DNAJB1: variants seen among roughly 807,000 people sequenced by gnomAD.
The protein encoded by DNAJB1 is dnaJ homolog subfamily B member 1.
DNAJB1 carries 14 observed loss-of-function variants against 24.0 expected under a neutral mutation model. The observed-to-expected ratio is 0.58, with a 90% confidence interval of 0.39 to 0.91. The LOEUF (loss-of-function observed/expected upper bound fraction) is 0.91, where lower values mean the gene tolerates loss of function less well. DNAJB1 is among the 40% of genes least tolerant of loss of function. DNAJB1 has a pLI of 0.00. For missense variants in DNAJB1, 517 were observed against 458.1 expected, an observed-to-expected ratio of 1.13 and a Z score of -1.17; for synonymous variants, 262 against 174.4, an observed-to-expected ratio of 1.50 and a Z score of -3.96.
At chr19:14,547,909 C>T (rs1015568167) in intron 1 of DNAJB1, among the ~76,000 whole-genome samples, 13 of 150,488 alleles carry the variant, frequency 8.6e-5, no homozygotes, top group Admixed American at 2.0e-4. Context: ...CTCTGGGCCT[C>T]GAGGGATCCT....
chr19:14,541,688 A>G (rs2073101388), intron 1 of DNAJB1, among the ~76,000 whole-genome samples: 1 of 152,132 alleles, frequency 6.6e-6, no homozygotes, highest in Non-Finnish European at 1.5e-5. Context: ...GTGCAGAGGC[A>G]TGGAGCCCAG....
intron 1 of DNAJB1, among the ~76,000 whole-genome samples, chr19:14,544,634 C>G (rs1053062732): frequency 1.6e-4 from 18 of 113,938 alleles, no homozygotes; most frequent in African/African-American, 5.2e-4. Flanking sequence ...TTTGGCCATT[C>G]CTTTTTTTTT....
upstream of DNAJB1, among the ~76,000 whole-genome samples, chr19:14,552,657 C>T (rs530894283): frequency 9.5e-4 from 144 of 152,056 alleles, no homozygotes; most frequent in African/African-American, 3.3e-3. Context: ...GCCTCAGCCT[C>T]CCGAGTAGCT....
rs2072283657 is a variant in DNAJB1, at chr19:14,517,164, G to A, written c.212-118C>T. ...GGAGGAACTTTTTTGTCTGTCAGGG[G>A]AGAGCAAGGAAGAACCCCAAGTTTC... On this transcript the variant is annotated intron_variant, in intron 1 of 2. Transcript: ENST00000254322. 53 of 1,065,532 alleles carry A rather than the reference G, an allele frequency of 5.0e-5. 2 individuals carry two copies. In the South Asian group the frequency reaches 8.7e-4, roughly 18 times the overall value. 66.0% of individuals were successfully genotyped at this position (1,065,532 alleles called of 1,614,324 possible). A position where few individuals can be genotyped will look rare whatever the true frequency, so the allele number is the denominator to read the frequency against.
In DNAJB1 at chr19:14,545,641, G is replaced by A. The variant is rs1187936146; in HGVS notation, c.-214+4567C>T. 9 of 194,272 alleles carry A rather than the reference G, an allele frequency of 4.6e-5. No homozygotes were observed. The South Asian group carries it at 6.2e-4, about 13-fold the overall frequency. The allele number at this position is 194,272 out of a possible 1,614,324, so 12.0% of individuals were successfully genotyped here. A position where few individuals can be genotyped will look rare whatever the true frequency, so the allele number is the denominator to read the frequency against. Reference sequence around the variant, plus strand: ...CCCAGCAGCTGGCACAGGCAGGCCCGACGCAGCAAGGGGCACAGTCCGTGT... The same window carrying A: ...CCCAGCAGCTGGCACAGGCAGGCCCAACGCAGCAAGGGGCACAGTCCGTGT... On this transcript the variant is annotated intron_variant, in intron 1 of 3. Coordinates refer to the DNAJB1 transcript ENST00000676982.
chr19:14,518,088 T>C, intron 1 of DNAJB1, 51 bp downstream of exon 1: 1 of 1,396,156 alleles, frequency 7.2e-7, no homozygotes, highest in Non-Finnish European at 9.3e-7. Context: ...CGTGCCTCAG[T>C]TTCCCTGTCT....
Position 14,541,783 on chromosome 19 carries a change from AT to A in DNAJB1, c.-214+8424del, listed in dbSNP as rs113623037. Among the ~76,000 whole-genome samples the A allele has an allele frequency of 5.3e-3, 714 of 134,266 alleles. 3 individuals carry two copies. Among genetic ancestry groups the A allele is most frequent in the African/African-American group, 0.011 (411 of 36,682 alleles). The allele number at this position is 134,266 out of a possible 152,430, so 88.1% of individuals were successfully genotyped here. On this transcript the variant is annotated intron_variant, in intron 1 of 3. Coordinates refer to the DNAJB1 transcript ENST00000676982. Reference sequence around the variant, plus strand: ...CAGAGAGACCTGTGGACTTCTTTTCATTTTTTTTTTTTTTTTGAGATGGAGT... The same window carrying A: ...CAGAGAGACCTGTGGACTTCTTTTCATTTTTTTTTTTTTTTGAGATGGAGT...
chr19:14,522,522 C>G (rs1475518567), upstream of DNAJB1, among the ~76,000 whole-genome samples: 1 of 148,588 alleles, frequency 6.7e-6, no homozygotes, highest in East Asian at 2.0e-4. Context: ...ACACTGAAAG[C>G]AAACACTGAG....
At chr19:14,517,233 A>G (rs1403751413) in intron 1 of DNAJB1, 187 bp from the exon 2 acceptor site, 12 of 604,424 alleles carry the variant, frequency 2.0e-5, no homozygotes, top group Non-Finnish European at 3.4e-5. Context: ...TACCAACAGT[A>G]TTTCCGCGTA....
chr19:14,518,576 C>T (rs1266317217), upstream of DNAJB1, among the ~76,000 whole-genome samples: 6 of 151,084 alleles, frequency 4.0e-5, no homozygotes, highest in Admixed American at 2.6e-4. Flanking sequence ...CCGCGCGGGG[C>T]CACGCCCCCT....
chr19:14,534,242 A>C (rs2072780455), upstream of DNAJB1, among the ~76,000 whole-genome samples: 1 of 150,930 alleles, frequency 6.6e-6, no homozygotes. Context: ...CTCCTGCCTC[A>C]GCCTCCCGAG....
At chr19:14,548,417 A>G (rs554602871) in intron 1 of DNAJB1, among the ~76,000 whole-genome samples, 4 of 152,078 alleles carry the variant, frequency 2.6e-5, no homozygotes, top group Non-Finnish European at 5.9e-5. Context: ...CTCATGTCCA[A>G]ATGTCAGCAC....
At chr19:14,552,435 A>G (rs2073560357), upstream of DNAJB1, among the ~76,000 whole-genome samples, 1 of 152,040 alleles carries the variant, frequency 6.6e-6, no homozygotes, top group South Asian at 2.1e-4. Flanking sequence ...GGACACTCAC[A>G]TGGGCACTTC....
chr19:14,560,153 C>T (rs1448017927), exon 1 of DNAJB1, among the ~76,000 whole-genome samples: 1 of 152,240 alleles, frequency 6.6e-6, no homozygotes, highest in Non-Finnish European at 1.5e-5. Flanking sequence ...CGTCCTCTCC[C>T]AGCAGCTAGC....
At chr19:14,518,118 C>A (rs569496870) in intron 1 of DNAJB1, 21 bp downstream of exon 1, 6 of 1,470,754 alleles carry the variant, frequency 4.1e-6, no homozygotes, top group South Asian at 2.7e-5. Flanking sequence ...CGGGGCCGCG[C>A]CCCTGGCCGC....
intron 1 of DNAJB1, among the ~76,000 whole-genome samples, chr19:14,555,478 C>CTCTA (rs1458049856): frequency 7.8e-6 from 1 of 127,912 alleles, no homozygotes; most frequent in Non-Finnish European, 1.6e-5. Flanking sequence ...CAGAGCCTCA[C>CTCTA]TCTATTGCCC....
upstream of DNAJB1, chr19:14,529,783 G>A: frequency 1.2e-6 from 2 of 1,607,438 alleles, no homozygotes; most frequent in Non-Finnish European, 1.7e-6. Flanking sequence ...GGGACCACGG[G>A]ACCCCACTTT....
In DNAJB1 at chr19:14,518,357, T is replaced by A. The variant is rs753014158; in HGVS notation, c.-8A>T. ...GTAGTAGTCTTTACCCATGACCCCCTCCTGCGGCCCGCCGACCCGCTGTCG... is the reference window on the plus strand; with the variant it reads ...GTAGTAGTCTTTACCCATGACCCCCACCTGCGGCCCGCCGACCCGCTGTCG... On this transcript the variant is annotated 5_prime_UTR_variant, in exon 1 of 3. Coordinates refer to ENST00000254322, the MANE Select transcript of DNAJB1 (RefSeq NM_006145.3). 3 of 1,548,928 alleles carry A rather than the reference T, an allele frequency of 1.9e-6. No individual in the cohort carries two copies. The highest frequency in any genetic ancestry group is 2.6e-6 in the Non-Finnish European group (3 of 1,156,136).
chr19:14,535,010 G>T (rs1005737208), intron 1 of DNAJB1, among the ~76,000 whole-genome samples: 3 of 152,108 alleles, frequency 2.0e-5, no homozygotes, highest in Admixed American at 2.0e-4. Flanking sequence ...AGTGTGGACT[G>T]CTGGGAGAGG....
Sources: allele counts gnomAD v4.1 joint callset (sites outside exome capture counted in the v4.1 genomes callset), GRCh38; gene constraint gnomAD v4.1.1; transcripts MANE v1.5; gene names NCBI Gene and HGNC (gene_info 2026-07-23, HGNC 2026-07-21).